CRACD: variants seen among roughly 807,000 people sequenced by gnomAD.
The protein encoded by CRACD is capping protein inhibiting regulator of actin dynamics, also known as capping protein-inhibiting regulator of actin dynamics.
In CRACD, 56 loss-of-function variants were observed where a neutral mutation model predicts 106.8. That is an observed-to-expected ratio of 0.52 (90% CI 0.42 to 0.66). The LOEUF (loss-of-function observed/expected upper bound fraction) is 0.66. Ranked by LOEUF, CRACD falls within the 30% of genes least tolerant of loss-of-function variation. The pLI is 0.00. For missense variants in CRACD, 1,730 were observed against 1,623.2 expected, an observed-to-expected ratio of 1.07 and a Z score of -1.13; for synonymous variants, 754 against 670.8, an observed-to-expected ratio of 1.12 and a Z score of -1.92.
chr4:56,064,115 T>C (rs956073484), intron 1 of CRACD, among the ~76,000 whole-genome samples: 11 of 152,236 alleles, frequency 7.2e-5, no homozygotes, highest in Admixed American at 7.2e-4. Flanking sequence ...TGGCATATTT[T>C]TGTGTGCTTA....
intron 1 of CRACD, among the ~76,000 whole-genome samples, chr4:56,146,738 A>G (rs1201803294): frequency 6.6e-6 from 1 of 152,180 alleles, no homozygotes; most frequent in Non-Finnish European, 1.5e-5. Context: ...TACACTATGC[A>G]TTTGCCTTAA....
intron 10 of CRACD, 40 bp downstream of exon 10, chr4:56,324,306 G>C: frequency 6.3e-7 from 1 of 1,581,692 alleles, no homozygotes; most frequent in Non-Finnish European, 8.6e-7. Context: ...GTAGTTCCAG[G>C]TTTCTCTTTG....
chr4:56,314,158 AAGAG>A lies in CRACD; in HGVS notation c.660_663del (p.Arg221AspfsTer27). The A allele has an allele frequency of 6.2e-7, 1 of 1,614,096 alleles. No individual in the cohort carries two copies. The highest frequency in any genetic ancestry group is 8.5e-7 in the Non-Finnish European group (1 of 1,179,982). ...GAACCCAATCCGCTGGATTCCGAGG[AAGAG>A]AGAAGACGCCAAGAAGACTACTGGC... On this transcript the variant is annotated frameshift_variant, in exon 8 of 11. Coordinates refer to ENST00000682029, the MANE Select transcript of CRACD (RefSeq NM_001393381.1). LOFTEE classifies it high-confidence loss of function. The surrounding 1 kb of genome is among the most constrained non-coding windows in gnomAD (Gnocchi z 4.4).
intron 3 of CRACD, among the ~76,000 whole-genome samples, chr4:56,292,288 C>T (rs576536063): frequency 5.3e-5 from 8 of 152,270 alleles, no homozygotes; most frequent in South Asian, 2.1e-4. Context: ...ACAGTTTACA[C>T]GCAGATATGC....
At chr4:56,261,629 C>T (rs560953369) in intron 2 of CRACD, among the ~76,000 whole-genome samples, 9 of 152,232 alleles carry the variant, frequency 5.9e-5, no homozygotes, top group African/African-American at 2.2e-4. Context: ...GAATTACAGG[C>T]ATGAGCCACC....
intron 3 of CRACD, among the ~76,000 whole-genome samples, chr4:56,283,777 A>T (rs1374940445): frequency 2.0e-5 from 3 of 152,200 alleles, no homozygotes; most frequent in Non-Finnish European, 4.4e-5. Flanking sequence ...TACTTCTAGT[A>T]CATTTTCTTT....
At chr4:56,278,073 A>G (rs1269983552) in intron 3 of CRACD, among the ~76,000 whole-genome samples, 1 of 152,206 alleles carries the variant, frequency 6.6e-6, no homozygotes, top group Non-Finnish European at 1.5e-5. Flanking sequence ...TTAAGATGAC[A>G]GTACTCCCCA....
chr4:56,119,487 C>T (rs1427546470), intron 1 of CRACD, among the ~76,000 whole-genome samples: 4 of 150,970 alleles, frequency 2.6e-5, no homozygotes, highest in African/African-American at 9.8e-5. Flanking sequence ...CATGCCACCA[C>T]ACCCAGCTAA....
At chr4:56,166,154 C>A (rs2109910228) in intron 1 of CRACD, among the ~76,000 whole-genome samples, 1 of 152,258 alleles carries the variant, frequency 6.6e-6, no homozygotes, top group East Asian at 1.9e-4. Flanking sequence ...CTGTACCCAG[C>A]TGGAAATATA....
In CRACD at chr4:56,051,481, A is replaced by T. The variant is rs140033989; in HGVS notation, c.-336+2182A>T. Among the ~76,000 whole-genome samples the T allele has an allele frequency of 4.3e-3, 651 of 152,286 alleles. 4 individuals carry two copies. The highest frequency in any genetic ancestry group is 0.015 in the African/African-American group (611 of 41,548). On this transcript the variant is annotated intron_variant, in intron 1 of 10. Coordinates refer to ENST00000682029, the MANE Select transcript of CRACD (RefSeq NM_001393381.1). ...AGAACATTTCACTTGTTGTATGTGC[A>T]TATAGTTTCTCACAATGGCCTGTGG...
At chr4:56,177,452 T>C (rs753124957) in intron 1 of CRACD, among the ~76,000 whole-genome samples, 7 of 152,180 alleles carry the variant, frequency 4.6e-5, no homozygotes, top group Non-Finnish European at 7.3e-5. Context: ...ATGTTGACTG[T>C]GGTTTGATGG....
chr4:56,193,028 T>TG (rs1737447717), intron 2 of CRACD, among the ~76,000 whole-genome samples: 1 of 152,122 alleles, frequency 6.6e-6, no homozygotes, highest in Non-Finnish European at 1.5e-5. Context: ...TACCCAAGAC[T>TG]GGGTAATTTA....
intron 2 of CRACD, among the ~76,000 whole-genome samples, chr4:56,225,676 T>C (rs10007515): frequency 0.63 from 95,648 of 151,988 alleles, 31,006 homozygotes; most frequent in African/African-American, 0.77. Flanking sequence ...ATTACTAGGC[T>C]TGATTAGGTA....
At chr4:56,271,218 G>A (rs1742332647) in intron 2 of CRACD, among the ~76,000 whole-genome samples, 1 of 152,118 alleles carries the variant, frequency 6.6e-6, no homozygotes, top group Admixed American at 6.5e-5. Flanking sequence ...TTCTGGTAGA[G>A]GGTGACTTAC....
At chr4:56,118,675 G>C (rs1734382295) in intron 1 of CRACD, among the ~76,000 whole-genome samples, 2 of 152,134 alleles carry the variant, frequency 1.3e-5, no homozygotes, top group South Asian at 2.1e-4. Context: ...AAGGTGGAGG[G>C]ATTGCTTGAG....
intron 2 of CRACD, among the ~76,000 whole-genome samples, chr4:56,184,439 C>T (rs182365850): frequency 1.1e-4 from 16 of 152,346 alleles, no homozygotes; most frequent in Admixed American, 2.0e-4. Context: ...TGAATTAAAA[C>T]GACACTTAGT....
At chr4:56,167,449 A>G (rs1395076873) in intron 1 of CRACD, among the ~76,000 whole-genome samples, 3 of 152,352 alleles carry the variant, frequency 2.0e-5, no homozygotes, top group East Asian at 3.9e-4. Flanking sequence ...TTAACATATC[A>G]TCATCTCAAA....
intron 1 of CRACD, among the ~76,000 whole-genome samples, chr4:56,067,885 A>G (rs959083271): frequency 2.0e-5 from 3 of 151,964 alleles, no homozygotes; most frequent in African/African-American, 7.3e-5. Context: ...TGTCTACTTC[A>G]TTTTTCAGAC....
At chr4:56,109,552 G>A (rs1734052529) in intron 1 of CRACD, among the ~76,000 whole-genome samples, 1 of 152,090 alleles carries the variant, frequency 6.6e-6, no homozygotes, top group Admixed American at 6.5e-5. Flanking sequence ...ATAGTTCATA[G>A]TTAATAGTAT....
Sources: allele counts gnomAD v4.1 joint callset (sites outside exome capture counted in the v4.1 genomes callset), GRCh38; gene constraint gnomAD v4.1.1; non-coding constraint Gnocchi (gnomAD v3.1); transcripts MANE v1.5; gene names NCBI Gene and HGNC (gene_info 2026-07-23, HGNC 2026-07-21).